Variants in ZNF730 observed in about 807,000 individuals in gnomAD.
ZNF730 encodes the protein putative zinc finger protein 730.
Under a neutral mutation model 12.6 loss-of-function variants are expected in ZNF730, and 12 were observed. The ratio of observed to expected loss-of-function variants is 0.95; its 90% confidence interval spans 0.61 to 1.54. ZNF730 has a LOEUF of 1.54. Among genes scored for constraint, ZNF730 ranks in the 40% most tolerant of loss-of-function variants. The pLI, the probability that ZNF730 is intolerant of heterozygous loss-of-function variation, is 0.00. For missense variants in ZNF730, 643 were observed against 583.5 expected, an observed-to-expected ratio of 1.10 and a Z score of -1.05; for synonymous variants, 194 against 195.8, an observed-to-expected ratio of 0.99 and a Z score of 0.08.
chr19:23,083,003 T>C (rs937717940), intron 1 of ZNF730, among the ~76,000 whole-genome samples: 6 of 152,320 alleles, frequency 3.9e-5, no homozygotes, highest in African/African-American at 1.4e-4. Flanking sequence ...CCGGCCTTTT[T>C]TCTTTATTCA....
chr19:23,126,649 C>T, intron 1 of ZNF730: 1 of 491,620 alleles, frequency 2.0e-6, no homozygotes, highest in South Asian at 1.6e-5. Context: ...TCTAACTCTG[C>T]CAGTTCCACT....
chr19:23,081,155 C>A (rs1969960123), intron 1 of ZNF730, among the ~76,000 whole-genome samples: 1 of 142,854 alleles, frequency 7.0e-6, no homozygotes, highest in Admixed American at 7.0e-5. Flanking sequence ...CTCTTTTTTT[C>A]TTTTTTTTTT....
intron 1 of ZNF730, among the ~76,000 whole-genome samples, chr19:23,125,095 T>A (rs2145622124): frequency 6.6e-6 from 1 of 152,278 alleles, no homozygotes; most frequent in African/African-American, 2.4e-5. Context: ...CTTGCCACCA[T>A]CCACGTAAGA....
At chr19:23,094,614 C>G (rs936310775) in intron 1 of ZNF730, among the ~76,000 whole-genome samples, 1 of 152,138 alleles carries the variant, frequency 6.6e-6, no homozygotes, top group Non-Finnish European at 1.5e-5. Flanking sequence ...TCTGGGATTA[C>G]AGGCGTGTGC....
intron 1 of ZNF730, among the ~76,000 whole-genome samples, chr19:23,109,849 T>C (rs1216760764): frequency 2.0e-5 from 3 of 151,812 alleles, no homozygotes; most frequent in Non-Finnish European, 2.9e-5. Context: ...GCCCAGCCAA[T>C]GTATGAAATT....
At chr19:23,120,908 A>G (rs775122529) in intron 1 of ZNF730, among the ~76,000 whole-genome samples, 1 of 152,096 alleles carries the variant, frequency 6.6e-6, no homozygotes, top group African/African-American at 2.4e-5. Flanking sequence ...CTTTGTTCCC[A>G]TTTGTTTCAA....
intron 3 of ZNF730, among the ~76,000 whole-genome samples, chr19:23,137,033 G>A (rs890302460): frequency 6.6e-6 from 1 of 152,088 alleles, no homozygotes; most frequent in African/African-American, 2.4e-5. Context: ...AGCCGGACGT[G>A]GTGGCAGGCA....
At chr19:23,136,754 G>T (rs1970838541) in intron 3 of ZNF730, among the ~76,000 whole-genome samples, 1 of 149,498 alleles carries the variant, frequency 6.7e-6, no homozygotes. Flanking sequence ...TTTTCTTTCA[G>T]GATTGCTTTG....
At chr19:23,084,354 T>G (rs1200291136) in intron 1 of ZNF730, among the ~76,000 whole-genome samples, 1 of 152,200 alleles carries the variant, frequency 6.6e-6, no homozygotes, top group Non-Finnish European at 1.5e-5. Context: ...TTGTGATGCC[T>G]TCAGCTTTGC....
chr19:23,104,164 T>C (rs945963321), intron 1 of ZNF730, among the ~76,000 whole-genome samples: 1 of 151,960 alleles, frequency 6.6e-6, no homozygotes, highest in Non-Finnish European at 1.5e-5. Flanking sequence ...AAAATTAGCA[T>C]GGTGGCTGGC....
Position 23,146,873 on chromosome 19 carries a change from G to T in ZNF730, c.*317G>T. 1 of 648,616 alleles carries T rather than the reference G, an allele frequency of 1.5e-6. No individual in the cohort carries two copies. Among genetic ancestry groups the T allele is most frequent in the Non-Finnish European group, 2.7e-6 (1 of 368,338 alleles). The allele number at this position is 648,616 out of a possible 1,614,324, so 40.2% of individuals were successfully genotyped here. On this transcript the variant is annotated 3_prime_UTR_variant, in exon 4 of 4. Transcript: ENST00000597761. ...TTCTTAACAGACATGATTCATACCA[G>T]AGAGAAACTCTACAAACCTGAAAGT...
chr19:23,076,441 T>C (rs537027928), intron 1 of ZNF730, among the ~76,000 whole-genome samples: 83 of 152,312 alleles, frequency 5.4e-4, no homozygotes, highest in Non-Finnish European at 9.8e-4. Flanking sequence ...AGTTTTGCTT[T>C]GGAGAAATTA....
intron 1 of ZNF730, among the ~76,000 whole-genome samples, chr19:23,102,739 G>C (rs1434654663): frequency 1.3e-5 from 2 of 151,896 alleles, no homozygotes; most frequent in African/African-American, 4.8e-5. Context: ...CAAGTGATCT[G>C]CCTGCCTCAG....
chr19:23,083,205 C>T (rs1969995762), intron 1 of ZNF730, among the ~76,000 whole-genome samples: 1 of 151,988 alleles, frequency 6.6e-6, no homozygotes, highest in Non-Finnish European at 1.5e-5. Context: ...GCCGGCTGAT[C>T]ACGAGGTCAG....
At chr19:23,104,325 A>G (rs867408699) in intron 1 of ZNF730, among the ~76,000 whole-genome samples, 26 of 150,108 alleles carry the variant, frequency 1.7e-4, no homozygotes, top group Middle Eastern at 3.2e-3. Flanking sequence ...AAAAAAATGC[A>G]CAGGACTCAT....
intron 1 of ZNF730, among the ~76,000 whole-genome samples, chr19:23,100,706 A>G (rs187438064): frequency 0.013 from 1,770 of 140,122 alleles, 41 homozygotes; most frequent in African/African-American, 0.047. Context: ...CCCAGGCTGG[A>G]GTGCAGTGAT....
At chr19:23,102,201 TGGGCCTTGACCACA>T (rs1970343286) in intron 1 of ZNF730, among the ~76,000 whole-genome samples, 2 of 152,324 alleles carry the variant, frequency 1.3e-5, no homozygotes, top group Admixed American at 1.3e-4. Flanking sequence ...CTCTGGTAAC[TGGGCCTTGACCACA>T]GAGAGGATTG....
chr19:23,104,342 C>A (rs1279790957), intron 1 of ZNF730, among the ~76,000 whole-genome samples: 1 of 149,370 alleles, frequency 6.7e-6, no homozygotes, highest in African/African-American at 2.5e-5. Flanking sequence ...TCATGAGGAG[C>A]TAAAATGTTC....
At chr19:23,097,918 C>T (rs1161326025) in intron 1 of ZNF730, among the ~76,000 whole-genome samples, 2 of 152,026 alleles carry the variant, frequency 1.3e-5, no homozygotes, top group African/African-American at 4.8e-5. Context: ...GCAGGTGGGT[C>T]ACCTGAGGTC....
Sources: gnomAD v4.1 joint callset for allele counts (sites outside exome capture counted in the v4.1 genomes callset) on GRCh38, gnomAD v4.1.1 for gene constraint, MANE v1.5 for transcripts, NCBI Gene and HGNC (gene_info 2026-07-23, HGNC 2026-07-21) for gene names.